Variants in OTC observed in about 807,000 individuals in gnomAD.
OTC encodes ornithine transcarbamylase, also known as ornithine transcarbamylase, mitochondrial.
Under a neutral mutation model 30.3 loss-of-function variants are expected in OTC, and 3 were observed. The ratio of observed to expected loss-of-function variants is 0.10; its 90% confidence interval spans 0.05 to 0.26. The LOEUF is 0.26. OTC is among the 10% of genes least tolerant of loss of function. The pLI is 1.00. For synonymous variants in OTC, 111 were observed against 99.7 expected, an observed-to-expected ratio of 1.11 and a Z score of -0.67; for missense variants, 194 against 260.3, an observed-to-expected ratio of 0.75 and a Z score of 1.75.
At chrX:38,339,332 C>G in the OTC span, among the ~76,000 whole-genome samples, 2 of 111,213 alleles carry the variant, frequency 1.8e-5, no homozygotes, top group Non-Finnish European at 3.8e-5. Flanking sequence ...AAGGAAGGTA[C>G]TATGCTTACA....
chrX:38,348,154 A>G (rs1023497936), upstream of OTC, among the ~76,000 whole-genome samples: 1 of 111,813 alleles, frequency 8.9e-6, no homozygotes, highest in Non-Finnish European at 1.9e-5. Flanking sequence ...TAATTTCTAA[A>G]TCGCTCTTGC....
chrX:38,372,684 A>G (rs1482702219), intron 3 of OTC, among the ~76,000 whole-genome samples: 1 of 112,920 alleles, frequency 8.9e-6, no homozygotes, highest in Non-Finnish European at 1.9e-5. Context: ...CAAACTCAAC[A>G]GTAGAATCAC....
intron 9 of OTC, among the ~76,000 whole-genome samples, chrX:38,413,260 C>A (rs772948772): frequency 8.9e-6 from 1 of 111,866 alleles, no homozygotes; most frequent in African/African-American, 3.3e-5. Flanking sequence ...ATGTGTAAAG[C>A]TTTTAGTATA....
intron 4 of OTC, among the ~76,000 whole-genome samples, chrX:38,394,531 T>C (rs1238898306): frequency 9.0e-6 from 1 of 111,536 alleles, no homozygotes; most frequent in East Asian, 2.8e-4. Flanking sequence ...AGTAATTCAT[T>C]TTCTTTTTTC....
At chrX:38,390,131 T>C (rs1433296173) in intron 4 of OTC, among the ~76,000 whole-genome samples, 1 of 112,328 alleles carries the variant, frequency 8.9e-6, no homozygotes, top group Non-Finnish European at 1.9e-5. Flanking sequence ...CAAAACAACC[T>C]GGCCATTATA....
intron 2 of OTC, among the ~76,000 whole-genome samples, chrX:38,369,465 A>G (rs1205911572): frequency 9.1e-6 from 1 of 109,305 alleles, no homozygotes; most frequent in African/African-American, 3.3e-5. Context: ...CTCCTGCCTC[A>G]GCCTCTCTAG....
At chrX:38,345,170 A>G in the OTC span, among the ~76,000 whole-genome samples, 1 of 112,020 alleles carries the variant, frequency 8.9e-6, no homozygotes, top group South Asian at 3.7e-4. Flanking sequence ...CTATTGTGAA[A>G]CCGCCTTTGC....
chrX:38,373,256 A>G (rs1429548371), intron 3 of OTC, among the ~76,000 whole-genome samples: 1 of 111,638 alleles, frequency 9.0e-6, no homozygotes, highest in Non-Finnish European at 1.9e-5. Context: ...AACATCACAG[A>G]TTCATTTTGC....
At chrX:38,391,427 A>G (rs2068428428) in intron 4 of OTC, among the ~76,000 whole-genome samples, 1 of 111,393 alleles carries the variant, frequency 9.0e-6, no homozygotes, top group Non-Finnish European at 1.9e-5. Flanking sequence ...CTCTTTATAT[A>G]CTCAGCTATT....
chrX:38,405,078 A>G (rs2068509430), intron 6 of OTC, among the ~76,000 whole-genome samples: 1 of 111,270 alleles, frequency 9.0e-6, no homozygotes, highest in African/African-American at 3.3e-5. Context: ...GACAAACTGC[A>G]CGCACTAGGT....
chrX:38,384,121 C>T (rs745453035), intron 4 of OTC, among the ~76,000 whole-genome samples: 120 of 111,888 alleles, frequency 1.1e-3, no homozygotes, highest in African/African-American at 3.9e-3. Context: ...GAGATAAAGA[C>T]CTTGAGTGAA....
In OTC at chrX:38,410,216, C is replaced by T. The variant is rs778797503; in HGVS notation, c.867+1191C>T. On this transcript the variant is annotated intron_variant, in intron 8 of 9. Transcript: ENST00000039007. ...TAAATTAGGCTATTTCTGAGAATGC[C>T]GATTACAAAAATGCTGCAATGAACT... Among the ~76,000 whole-genome samples the T allele has an allele frequency of 4.5e-5, 5 of 111,200 alleles. No individual in the cohort carries two copies. The South Asian group carries it at 1.9e-3, about 42-fold the overall frequency.
At chrX:38,404,287 C>T (rs951237680) in intron 6 of OTC, among the ~76,000 whole-genome samples, 1 of 112,130 alleles carries the variant, frequency 8.9e-6, no homozygotes, top group Non-Finnish European at 1.9e-5. Flanking sequence ...TACTTCCTAC[C>T]TTGCTGCTCT....
intron 5 of OTC, 34 bp from the exon 6 acceptor site, chrX:38,403,584 C>T (rs751954222): frequency 5.0e-6 from 6 of 1,202,542 alleles, no homozygotes; most frequent in Non-Finnish European, 1.1e-6. Context: ...GAATTTACGC[C>T]TGGATTTCAT....
At position 38,369,862 on chromosome X, in the gene OTC, T is replaced by C. The variant is rs771474981; in HGVS notation, c.283T>C (p.Leu95=). ...IFEKRSTRTR[L]STETGFALLG... Reference sequence around the variant, plus strand: ...TGAGAAAAGAAGTACTCGAACAAGATTGTCTACAGAAACAGGTAAGTCCAC... The same window carrying C: ...TGAGAAAAGAAGTACTCGAACAAGACTGTCTACAGAAACAGGTAAGTCCAC... The change falls in exon 3 of 10, where the codon TTG becomes CTG. Residue 95 remains leucine (L), a synonymous_variant. Coordinates refer to ENST00000039007, the MANE Select transcript of OTC (RefSeq NM_000531.6). The C allele has an allele frequency of 2.5e-6, 3 of 1,194,499 alleles. No individual in the cohort carries two copies. Among genetic ancestry groups the C allele is most frequent in the Non-Finnish European group, 2.3e-6 (2 of 879,837 alleles).
Position 38,381,381 on chromosome X carries a change from C to T in OTC, c.338C>T (p.Thr113Ile), listed in dbSNP as rs1291110425. ...LLGGHPCFLT[T>I]QDIHLGVNES... ...GGAGGACATCCTTGTTTTCTTACCA[C>T]ACAAGATATTCATTTGGGTGTGAAT... Residue 113 changes from threonine to isoleucine, a missense_variant, in exon 4 of 10, where the codon ACA becomes ATA. Coordinates refer to ENST00000039007, the MANE Select transcript of OTC (RefSeq NM_000531.6). 1 of 1,202,358 alleles carries T rather than the reference C, an allele frequency of 8.3e-7. No individual in the cohort carries two copies.
chrX:38,372,412 A>G (rs754157062), intron 3 of OTC, among the ~76,000 whole-genome samples: 8 of 112,192 alleles, frequency 7.1e-5, no homozygotes, highest in Non-Finnish European at 1.1e-4. Flanking sequence ...ATTTTTAAAT[A>G]CCTAATTTAA....
chrX:38,420,057 T>G (rs1037475392), intron 9 of OTC, among the ~76,000 whole-genome samples: 3 of 111,608 alleles, frequency 2.7e-5, no homozygotes, highest in Non-Finnish European at 5.7e-5. Context: ...GATATGTTCA[T>G]TAGCTTGATT....
At chrX:38,374,905 A>G (rs781566078) in intron 3 of OTC, among the ~76,000 whole-genome samples, 1 of 112,332 alleles carries the variant, frequency 8.9e-6, no homozygotes, top group Non-Finnish European at 1.9e-5. Flanking sequence ...CTCAAGAGTG[A>G]TTAGTGATTA....
Sources: gnomAD v4.1 joint callset for allele counts (sites outside exome capture counted in the v4.1 genomes callset) on GRCh38, gnomAD v4.1.1 for gene constraint, MANE v1.5 for transcripts, NCBI Gene and HGNC (gene_info 2026-07-23, HGNC 2026-07-21) for gene names.